The following CDYL2 variants were observed in gnomAD, a reference collection of about 807,000 sequenced individuals.
The protein encoded by CDYL2 is chromodomain Y-like protein 2.
In CDYL2, 23 loss-of-function variants were observed where a neutral mutation model predicts 49.4. The observed-to-expected ratio is 0.47, with a 90% CI of 0.34 to 0.66. The LOEUF (loss-of-function observed/expected upper bound fraction) is 0.66, where lower values mean the gene tolerates loss of function less well. Among genes scored for constraint, CDYL2 ranks in the 30% least tolerant of loss-of-function variants. The pLI, the probability that CDYL2 is intolerant of heterozygous loss-of-function variation, is 0.01. For synonymous variants in CDYL2, 360 were observed against 268.8 expected, an observed-to-expected ratio of 1.34 and a Z score of -3.32; for missense variants, 678 against 656.4, an observed-to-expected ratio of 1.03 and a Z score of -0.36.
At chr16:80,803,371 G>T (rs1907985145) in intron 1 of CDYL2, among the ~76,000 whole-genome samples, 1 of 152,118 alleles carries the variant, frequency 6.6e-6, no homozygotes, top group Non-Finnish European at 1.5e-5. Flanking sequence ...GCTGGCATCT[G>T]TGTCCTATGT....
chr16:80,802,013 C>T (rs1290429372), intron 1 of CDYL2, among the ~76,000 whole-genome samples: 1 of 150,554 alleles, frequency 6.6e-6, no homozygotes, highest in East Asian at 1.9e-4. Flanking sequence ...CCTACTATCA[C>T]AGAAGTAATT....
chr16:80,804,916 G>T (rs913738243), upstream of CDYL2, among the ~76,000 whole-genome samples: 7 of 151,970 alleles, frequency 4.6e-5, no homozygotes, highest in Admixed American at 3.3e-4. Flanking sequence ...CTCCACCCTC[G>T]AGGGGAGTGG....
chr16:80,751,198 G>A (rs1322597186), intron 1 of CDYL2, among the ~76,000 whole-genome samples: 2 of 152,128 alleles, frequency 1.3e-5, no homozygotes, highest in Admixed American at 1.3e-4. Context: ...TCCACTTCCG[G>A]CCAAAACTGA....
intron 1 of CDYL2, among the ~76,000 whole-genome samples, chr16:80,766,090 G>C (rs1906714766): frequency 6.6e-6 from 1 of 151,868 alleles, no homozygotes; most frequent in African/African-American, 2.4e-5. Flanking sequence ...AGGAGGGTGG[G>C]GTGGCATGCA....
intron 1 of CDYL2, among the ~76,000 whole-genome samples, chr16:80,705,771 CA>C (rs1462792824): frequency 6.6e-6 from 1 of 152,264 alleles, no homozygotes; most frequent in Non-Finnish European, 1.5e-5. Context: ...AATACATAAA[CA>C]AATGTGGCTG....
chr16:80,624,113 T>A (rs1361926054), intron 3 of CDYL2, among the ~76,000 whole-genome samples: 2 of 152,174 alleles, frequency 1.3e-5, no homozygotes, highest in Non-Finnish European at 2.9e-5. Context: ...CAACACTGCG[T>A]ATCTAGACTA....
chr16:80,636,729 T>C (rs1907845460), intron 2 of CDYL2, among the ~76,000 whole-genome samples: 1 of 152,168 alleles, frequency 6.6e-6, no homozygotes. Context: ...TTATAAATCA[T>C]TCTACTATGA....
intron 1 of CDYL2, among the ~76,000 whole-genome samples, chr16:80,762,751 T>A (rs1463722761): frequency 6.6e-6 from 1 of 152,116 alleles, no homozygotes; most frequent in Non-Finnish European, 1.5e-5. Flanking sequence ...CCAGCTGAGG[T>A]GAAGCAAGGT....
intron 3 of CDYL2, among the ~76,000 whole-genome samples, chr16:80,632,471 G>A (rs938986837): frequency 6.6e-6 from 1 of 152,158 alleles, no homozygotes; most frequent in Non-Finnish European, 1.5e-5. Flanking sequence ...TGATGAAGAT[G>A]TTCTGGAATT....
At chr16:80,733,963 A>G (rs1159450189) in intron 1 of CDYL2, among the ~76,000 whole-genome samples, 1 of 152,224 alleles carries the variant, frequency 6.6e-6, no homozygotes, top group African/African-American at 2.4e-5. Flanking sequence ...GGCAAGACCC[A>G]CAAGGCCTTT....
At chr16:80,693,142 T>TGGGGGGGGGGGGGGGAGGGGGGGGG (rs1910484609) in intron 1 of CDYL2, among the ~76,000 whole-genome samples, 1 of 76,170 alleles carries the variant, frequency 1.3e-5, no homozygotes, top group Non-Finnish European at 2.8e-5. Context: ...GATGGCGGGG[T>TGGGGGGGGGGGGGGGAGGGGGGGGG]GGGGGTGAGA....
intron 1 of CDYL2, among the ~76,000 whole-genome samples, chr16:80,771,914 A>G (rs377553684): frequency 6.6e-6 from 1 of 152,168 alleles, no homozygotes; most frequent in South Asian, 2.1e-4. Flanking sequence ...TAGGAGACAA[A>G]GAGGATACAG....
chr16:80,741,231 G>T (rs1338249835), intron 1 of CDYL2, among the ~76,000 whole-genome samples: 1 of 150,754 alleles, frequency 6.6e-6, no homozygotes. Flanking sequence ...TGGTATTTTA[G>T]ATTCTAGATT....
At position 80,607,177 on chromosome 16, in the gene CDYL2, C is replaced by A. The variant is rs1182643476; in HGVS notation, c.1362+915G>T. On this transcript the variant is annotated intron_variant, in intron 6 of 6. Coordinates refer to ENST00000570137, the MANE Select transcript of CDYL2 (RefSeq NM_152342.4). ...TTGACTAACAACCTGGAGACCGCCA[C>A]CCCCCACCGTCACCCTCACCCCGCG... is the stretch of plus-strand genomic sequence containing the variant. Among the ~76,000 whole-genome samples, 4 of 152,214 alleles carry A rather than the reference C, an allele frequency of 2.6e-5. No individual in the cohort carries two copies. The East Asian group carries it at 7.7e-4, about 29-fold the overall frequency.
At chr16:80,623,781 C>T (rs1023995925) in intron 3 of CDYL2, among the ~76,000 whole-genome samples, 4 of 152,138 alleles carry the variant, frequency 2.6e-5, no homozygotes, top group East Asian at 1.9e-4. Context: ...GGAAGTCAGA[C>T]TTTGGGGACC....
intron 1 of CDYL2, among the ~76,000 whole-genome samples, chr16:80,731,173 A>G (rs746768566): frequency 1.2e-4 from 19 of 152,204 alleles, no homozygotes; most frequent in Non-Finnish European, 2.8e-4. Flanking sequence ...AACAATTGAC[A>G]TGCAAAATAA....
At chr16:80,666,850 C>A (rs1377247016) in intron 2 of CDYL2, among the ~76,000 whole-genome samples, 1 of 152,174 alleles carries the variant, frequency 6.6e-6, no homozygotes, top group Non-Finnish European at 1.5e-5. Context: ...TCTATTCATT[C>A]ACTCACTCAT....
chr16:80,701,755 C>CA, intron 1 of CDYL2, among the ~76,000 whole-genome samples: 1 of 152,290 alleles, frequency 6.6e-6, no homozygotes, highest in South Asian at 2.1e-4. Flanking sequence ...AGTTTACAAT[C>CA]AAAGTCCCAA....
chr16:80,680,885 A>G (rs1480493659), intron 2 of CDYL2, among the ~76,000 whole-genome samples: 1 of 152,076 alleles, frequency 6.6e-6, no homozygotes, highest in African/African-American at 2.4e-5. Context: ...ACTGGGATAC[A>G]GCCCGTTTTA....
Sources: gnomAD v4.1 joint callset for allele counts (sites outside exome capture counted in the v4.1 genomes callset) on GRCh38, gnomAD v4.1.1 for gene constraint, MANE v1.5 for transcripts, NCBI Gene and HGNC (gene_info 2026-07-23, HGNC 2026-07-21) for gene names.